The following L3HYPDH variants were observed in gnomAD, a reference collection of about 807,000 sequenced individuals.
L3HYPDH encodes the protein trans-L-3-hydroxyproline dehydratase, also known as trans-3-hydroxy-L-proline dehydratase.
A neutral mutation model predicts 26.5 loss-of-function variants in L3HYPDH; 32 were observed. The ratio of observed to expected loss-of-function variants is 1.21; its 90% CI spans 0.91 to 1.62. L3HYPDH has a LOEUF of 1.62. Ranked by LOEUF, L3HYPDH falls within the 40% of genes most tolerant of loss-of-function variation. The probability of loss-of-function intolerance (pLI) is 0.00; values close to 1 mark genes in which losing one functional copy is unlikely to be tolerated. For synonymous variants in L3HYPDH, 215 were observed against 196.6 expected, an observed-to-expected ratio of 1.09 and a Z score of -0.78; for missense variants, 554 against 476.4, an observed-to-expected ratio of 1.16 and a Z score of -1.52.
downstream of L3HYPDH, among the ~76,000 whole-genome samples, chr14:59,470,955 C>CGG (rs57974393): frequency 3.2e-3 from 177 of 56,112 alleles, no homozygotes; most frequent in South Asian, 4.1e-3. Context: ...TGGCTGGGGG[C>CGG]GGGGGGGGGG....
rs1889603833 is a variant in L3HYPDH at position 59,476,072 on chromosome 14, A to C, written c.801+20T>G. On this transcript the variant is annotated intron_variant, in intron 3 of 4. Coordinates refer to ENST00000247194, the MANE Select transcript of L3HYPDH (RefSeq NM_144581.2). ...TCCATATTACCTGGCTTTTGTCCCT[A>C]AACATTACAGTTTTAATACCTGTTC... The C allele has an allele frequency of 6.2e-7, 1 of 1,613,816 alleles. No individual in the cohort carries two copies. Among genetic ancestry groups the C allele is most frequent in the Non-Finnish European group, 8.5e-7 (1 of 1,179,854 alleles).
intron 4 of L3HYPDH, chr14:59,474,688 A>G (rs746611341): frequency 1.8e-6 from 1 of 564,230 alleles, no homozygotes. Context: ...TCTCCGTTTT[A>G]TCATCTATTG....
At chr14:59,468,760 T>C (rs1889250248), downstream of L3HYPDH, among the ~76,000 whole-genome samples, 1 of 152,136 alleles carries the variant, frequency 6.6e-6, no homozygotes, top group African/African-American at 2.4e-5. Context: ...CAAAAAAATA[T>C]TTTTTGAGTA....
At position 59,478,255 on chromosome 14, in the gene L3HYPDH, T is replaced by C. The variant is rs528120520; in HGVS notation, c.678+927A>G. ...TTTAAGGAACTATAAACTATATTAGTATGTATGTATTATTAAATTTAGTAA... is the reference window on the plus strand; with the variant it reads ...TTTAAGGAACTATAAACTATATTAGCATGTATGTATTATTAAATTTAGTAA... On this transcript the variant is annotated intron_variant, in intron 2 of 4. Transcript: ENST00000247194. Among the ~76,000 whole-genome samples, 13 of 152,282 alleles carry C rather than the reference T, an allele frequency of 8.5e-5. No individual in the cohort carries two copies. In the South Asian group the frequency reaches 2.7e-3, roughly 32 times the overall value.
the L3HYPDH span, chr14:59,494,897 G>A: frequency 3.0e-6 from 2 of 673,380 alleles, no homozygotes; most frequent in South Asian, 1.9e-5. Flanking sequence ...GGTTATACTC[G>A]AGTAGTTTTT....
At chr14:59,491,823 C>T in the L3HYPDH span, among the ~76,000 whole-genome samples, 1 of 152,226 alleles carries the variant, frequency 6.6e-6, no homozygotes. Flanking sequence ...TTGCTGGTAG[C>T]AGCAGTGTTA....
the L3HYPDH span, chr14:59,501,335 C>A: frequency 1.0e-6 from 1 of 961,162 alleles, no homozygotes; most frequent in Non-Finnish European, 1.6e-6. Context: ...TCAGAATAGT[C>A]CATATGATAT....
At chr14:59,476,058 T>A (rs1458725172) in intron 3 of L3HYPDH, 34 bp downstream of exon 3, 7 of 1,613,596 alleles carry the variant, frequency 4.3e-6, no homozygotes, top group Non-Finnish European at 5.1e-6. Context: ...CCATATTACC[T>A]GGCTTTTGTC....
chr14:59,479,064 T>C, intron 2 of L3HYPDH, 118 bp downstream of exon 2: 2 of 781,738 alleles, frequency 2.6e-6, no homozygotes, highest in Non-Finnish European at 3.8e-6. Flanking sequence ...ATAAGTACCC[T>C]ATTCTTAGTA....
In L3HYPDH at chr14:59,473,093, GA is replaced by G; in HGVS notation, c.940-4del. The G allele has an allele frequency of 6.3e-7, 1 of 1,585,608 alleles. No homozygotes were observed. Among genetic ancestry groups the G allele is most frequent in the Admixed American group, 1.9e-5 (1 of 52,758 alleles). ...TTAAAATCACCACATTTCGCTTCCTGAAAAAAGATGAAGGGAGTATACTATC... is the reference window on the plus strand; with the variant it reads ...TTAAAATCACCACATTTCGCTTCCTGAAAAAGATGAAGGGAGTATACTATC... On this transcript the variant is annotated splice_polypyrimidine_tract_variant and splice_region_variant and intron_variant, in intron 4 of 4. Coordinates refer to ENST00000247194, the MANE Select transcript of L3HYPDH (RefSeq NM_144581.2).
At chr14:59,487,907 A>G, upstream of L3HYPDH, 2 of 1,276,900 alleles carry the variant, frequency 1.6e-6, no homozygotes, top group Non-Finnish European at 2.2e-6. Context: ...TTAAGTAATT[A>G]TGCTTCTTCT....
At chr14:59,504,082 T>A in the L3HYPDH span, 1 of 1,566,516 alleles carries the variant, frequency 6.4e-7, no homozygotes, top group East Asian at 2.2e-5. Flanking sequence ...AGTGTAGACA[T>A]GTGAAATGCC....
At chr14:59,473,920 A>G (rs1311986803) in intron 4 of L3HYPDH, among the ~76,000 whole-genome samples, 1 of 151,816 alleles carries the variant, frequency 6.6e-6, no homozygotes, top group Non-Finnish European at 1.5e-5. Context: ...ACGGGCCCAC[A>G]CAGACAGGGA....
At chr14:59,466,727 G>A (rs553636208) in intron 1 of L3HYPDH, among the ~76,000 whole-genome samples, 1 of 152,248 alleles carries the variant, frequency 6.6e-6, no homozygotes, top group African/African-American at 2.4e-5. Flanking sequence ...ATAGAAGAAC[G>A]TTTAAGGTGG....
chr14:59,495,250 C>T, the L3HYPDH span: 10 of 1,457,062 alleles, frequency 6.9e-6, no homozygotes, highest in Non-Finnish European at 9.4e-6. Flanking sequence ...GACTTAAGAT[C>T]ATTGTTTTTT....
the L3HYPDH span, chr14:59,498,791 C>T: frequency 1.2e-6 from 2 of 1,608,802 alleles, no homozygotes; most frequent in South Asian, 2.2e-5. Flanking sequence ...CCGACCTCTT[C>T]TGGTGAAGAA....
chr14:59,494,926 A>G, the L3HYPDH span: 1 of 890,772 alleles, frequency 1.1e-6, no homozygotes, highest in Non-Finnish European at 1.8e-6. Flanking sequence ...TTATAGATTT[A>G]GAAATCTGTA....
rs1418350413 is a variant in L3HYPDH, at chr14:59,483,954, C to T, written c.363G>A (p.Val121=). Residue 121 remains valine (V), a synonymous_variant, in exon 1 of 5, where the codon GTG becomes GTA. Transcript: ENST00000247194. ...CGCGGGTGCCCGCAGGGGGCGCCGG[C>T]ACAAGCCCGAAGTCCAAAGCGAAGC... ...LGRFALDFGL[V]PAPPAGTREA... is the part of the protein sequence containing the mutation. 8.3e-6 allele frequency: 13 copies of T among 1,561,748 alleles called. No homozygotes were observed. Among genetic ancestry groups the T allele is most frequent in the Non-Finnish European group, 1.1e-5 (13 of 1,159,398 alleles).
intron 4 of L3HYPDH, among the ~76,000 whole-genome samples, chr14:59,474,094 TTATCTTTTTA>T (rs1428887268): frequency 2.6e-5 from 4 of 152,172 alleles, no homozygotes; most frequent in Non-Finnish European, 2.9e-5. Context: ...GTATAATACT[TTATCTTTTTA>T]TATCTTTTTA....
Sources: gnomAD v4.1 joint callset for allele counts (sites outside exome capture counted in the v4.1 genomes callset) on GRCh38, gnomAD v4.1.1 for gene constraint, MANE v1.5 for transcripts, NCBI Gene and HGNC (gene_info 2026-07-23, HGNC 2026-07-21) for gene names.